The following MSI2 variants were observed in gnomAD, a reference collection of about 807,000 sequenced individuals.
The protein encoded by MSI2 is musashi RNA binding protein 2, also known as RNA-binding protein Musashi homolog 2.
In MSI2, 17 loss-of-function variants were observed where a neutral mutation model predicts 45.6. That is an observed-to-expected ratio of 0.37 (90% confidence interval 0.26 to 0.56). MSI2 has a LOEUF of 0.56. Among genes scored for constraint, MSI2 ranks in the 20% least tolerant of loss-of-function variants. The pLI is 0.77. For synonymous variants in MSI2, 156 were observed against 158.2 expected (o/e 0.99, Z 0.11); for missense variants, 293 against 444.2 (o/e 0.66, Z 3.06).
chr17:57,434,059 A>G (rs971593129), intron 6 of MSI2, among the ~76,000 whole-genome samples: 3 of 152,188 alleles, frequency 2.0e-5, no homozygotes, highest in African/African-American at 7.2e-5. Context: ...TACATCCATC[A>G]CTTCACATAC....
chr17:57,262,323 C>A, intron 5 of MSI2, 131 bp downstream of exon 5: 1 of 969,370 alleles, frequency 1.0e-6, no homozygotes, highest in Non-Finnish European at 1.6e-6. Context: ...TCAGGACAGG[C>A]TGGGCAAGTA....
At chr17:57,633,286 T>G in intron 10 of MSI2, 1 of 690,950 alleles carries the variant, frequency 1.4e-6, no homozygotes, top group Non-Finnish European at 1.8e-6. Context: ...TAGTGCAGTT[T>G]CTAAAAGCAT....
intron 6 of MSI2, among the ~76,000 whole-genome samples, chr17:57,471,139 T>C (rs1388050242): frequency 6.6e-6 from 1 of 152,102 alleles, no homozygotes; most frequent in Non-Finnish European, 1.5e-5. Context: ...CCTACTCTTT[T>C]GTTTATGCCC....
intron 6 of MSI2, among the ~76,000 whole-genome samples, chr17:57,440,962 CG>C (rs1379237559): frequency 6.6e-6 from 1 of 152,196 alleles, no homozygotes; most frequent in African/African-American, 2.4e-5. Flanking sequence ...GGGGCCATCC[CG>C]GGTGGGAGCT....
intron 7 of MSI2, among the ~76,000 whole-genome samples, chr17:57,561,873 G>A (rs2087584620): frequency 6.6e-6 from 1 of 152,128 alleles, no homozygotes; most frequent in Non-Finnish European, 1.5e-5. Flanking sequence ...GAGGAAACTG[G>A]CACCCAGAGA....
intron 10 of MSI2, among the ~76,000 whole-genome samples, chr17:57,637,697 GGTT>G (rs1449443353): frequency 6.6e-6 from 1 of 152,320 alleles, no homozygotes; most frequent in Admixed American, 6.5e-5. Context: ...CTTCCTCACA[GGTT>G]GTTGAGAGGG....
At chr17:57,656,711 GA>G (rs1251129548) in intron 11 of MSI2, among the ~76,000 whole-genome samples, 12 of 152,328 alleles carry the variant, frequency 7.9e-5, no homozygotes, top group Admixed American at 2.0e-4. Context: ...CGTGGAGACA[GA>G]AAGGGAGGTC....
At chr17:57,404,932 G>A (rs751361391) in intron 6 of MSI2, among the ~76,000 whole-genome samples, 5 of 152,100 alleles carry the variant, frequency 3.3e-5, no homozygotes, top group Non-Finnish European at 5.9e-5. Flanking sequence ...ATCAGGTCAC[G>A]AAGCGTGGCC....
At chr17:57,441,381 C>T (rs752944343) in intron 6 of MSI2, among the ~76,000 whole-genome samples, 2 of 152,354 alleles carry the variant, frequency 1.3e-5, no homozygotes, top group Middle Eastern at 3.4e-3. Context: ...GCCCTACACA[C>T]TGCCTGCTCT....
At chr17:57,343,359 C>T (rs1196303273) in intron 5 of MSI2, among the ~76,000 whole-genome samples, 1 of 151,482 alleles carries the variant, frequency 6.6e-6, no homozygotes, top group African/African-American at 2.4e-5. Context: ...TTAAAACTTA[C>T]AGGAAAGTTT....
At chr17:57,572,282 C>T (rs954113644) in intron 7 of MSI2, among the ~76,000 whole-genome samples, 3 of 152,218 alleles carry the variant, frequency 2.0e-5, no homozygotes, top group Non-Finnish European at 2.9e-5. Flanking sequence ...TTGAGCTTCA[C>T]CCTGTTCCAG....
At chr17:57,591,377 A>G (rs1171268760) in intron 7 of MSI2, among the ~76,000 whole-genome samples, 1 of 152,256 alleles carries the variant, frequency 6.6e-6, no homozygotes, top group East Asian at 1.9e-4. Flanking sequence ...GCACAACAGT[A>G]CAGGACATAG....
chr17:57,685,035 C>G (rs1157456782), downstream of MSI2, among the ~76,000 whole-genome samples: 5 of 152,110 alleles, frequency 3.3e-5, no homozygotes, highest in Non-Finnish European at 7.4e-5. Flanking sequence ...AGGGGCCCTC[C>G]CGGGTGCTGC....
At chr17:57,591,845 G>A (rs1440484014) in intron 7 of MSI2, among the ~76,000 whole-genome samples, 2 of 152,004 alleles carry the variant, frequency 1.3e-5, no homozygotes, top group African/African-American at 4.8e-5. Flanking sequence ...TGGCTGCACA[G>A]CATTTTAAGT....
chr17:57,471,618 T>C (rs1426825931), intron 6 of MSI2, among the ~76,000 whole-genome samples: 1 of 152,190 alleles, frequency 6.6e-6, no homozygotes, highest in Non-Finnish European at 1.5e-5. Flanking sequence ...AGGCTGGTAT[T>C]ACTCTTCGTG....
Position 57,509,640 on chromosome 17 carries a change from C to T in MSI2, c.406-20036C>T, listed in dbSNP as rs182039674. On this transcript the variant is annotated intron_variant, in intron 6 of 13. Coordinates refer to ENST00000284073, the MANE Select transcript of MSI2 (RefSeq NM_138962.4). ...TTCACCATGTTGGCCAGGCTGGTCTCGAACACCTGACCTCAGGTGATGCAC... is the reference window on the plus strand; with the variant it reads ...TTCACCATGTTGGCCAGGCTGGTCTTGAACACCTGACCTCAGGTGATGCAC... Among the ~76,000 whole-genome samples, 4 of 152,182 alleles carry T rather than the reference C, an allele frequency of 2.6e-5. No individual in the cohort carries two copies. In the East Asian group the frequency reaches 7.8e-4, roughly 30 times the overall value.
At chr17:57,262,467 A>T (rs542920104) in intron 5 of MSI2, 1 of 384,832 alleles carries the variant, frequency 2.6e-6, no homozygotes, top group Admixed American at 4.3e-5. Flanking sequence ...TTTTGCAAGG[A>T]TTCTATTTGT....
intron 5 of MSI2, among the ~76,000 whole-genome samples, chr17:57,383,554 G>A (rs1462779621): frequency 6.6e-6 from 1 of 152,170 alleles, no homozygotes; most frequent in Non-Finnish European, 1.5e-5. Flanking sequence ...CCAGCTACTT[G>A]GGAGGCTGAG....
At chr17:57,694,125 A>G in the MSI2 span, among the ~76,000 whole-genome samples, 3 of 152,214 alleles carry the variant, frequency 2.0e-5, no homozygotes, top group Admixed American at 1.3e-4. Context: ...CAGAGCCCAC[A>G]TGGCCCACAA....
Sources: allele counts gnomAD v4.1 joint callset (sites outside exome capture counted in the v4.1 genomes callset), GRCh38; gene constraint gnomAD v4.1.1; transcripts MANE v1.5; gene names NCBI Gene and HGNC (gene_info 2026-07-23, HGNC 2026-07-21).